TRPM3: variants seen among roughly 807,000 people sequenced by gnomAD.
TRPM3 encodes long transient receptor potential channel 3.
Under a neutral mutation model 181.2 loss-of-function variants are expected in TRPM3, and 77 were observed. The observed-to-expected ratio is 0.42, with a 90% CI of 0.35 to 0.51. TRPM3 has a LOEUF of 0.51. TRPM3 is among the 20% of genes least tolerant of loss of function. The pLI is 0.01. For missense variants in TRPM3, 1,759 were observed against 2,196.7 expected (o/e 0.80, Z 3.98); for synonymous variants, 745 against 796.4 (o/e 0.94, Z 1.09).
chr9:70,771,171 C>T (rs1220454090), intron 7 of TRPM3, among the ~76,000 whole-genome samples: 1 of 152,148 alleles, frequency 6.6e-6, no homozygotes, highest in African/African-American at 2.4e-5. Flanking sequence ...TGGCTGCAAC[C>T]TCCTACTTTA....
chr9:71,069,531 T>C (rs2062417806), intron 1 of TRPM3, among the ~76,000 whole-genome samples: 1 of 151,974 alleles, frequency 6.6e-6, no homozygotes, highest in African/African-American at 2.4e-5. Context: ...ATACAAACGG[T>C]TACTATGGGG....
chr9:71,212,150 C>A (rs183229917), intron 1 of TRPM3, among the ~76,000 whole-genome samples: 1 of 151,536 alleles, frequency 6.6e-6, no homozygotes, highest in Non-Finnish European at 1.5e-5. Flanking sequence ...AGGGTATCAC[C>A]CTGTTGCTCA....
intron 1 of TRPM3, among the ~76,000 whole-genome samples, chr9:71,146,398 C>T (rs2075410337): frequency 6.6e-6 from 1 of 152,110 alleles, no homozygotes; most frequent in African/African-American, 2.4e-5. Flanking sequence ...TTTGAAACCT[C>T]AAGAAGCAAC....
intron 5 of TRPM3, among the ~76,000 whole-genome samples, chr9:70,830,636 T>G (rs2131739091): frequency 6.6e-6 from 1 of 152,356 alleles, no homozygotes; most frequent in South Asian, 2.1e-4. Flanking sequence ...TAGTTTTCAG[T>G]CATCATTGGA....
chr9:70,953,612 A>G (rs1385349647), intron 1 of TRPM3, among the ~76,000 whole-genome samples: 1 of 152,108 alleles, frequency 6.6e-6, no homozygotes, highest in Non-Finnish European at 1.5e-5. Flanking sequence ...ATGAGGTGAG[A>G]TTACTACAGA....
At chr9:70,742,803 C>T (rs2074403110) in intron 8 of TRPM3, among the ~76,000 whole-genome samples, 1 of 152,104 alleles carries the variant, frequency 6.6e-6, no homozygotes, top group Non-Finnish European at 1.5e-5. Context: ...AGATAATAGA[C>T]TTGATGAGGC....
chr9:71,065,377 C>A (rs1417706235), intron 1 of TRPM3, among the ~76,000 whole-genome samples: 1 of 152,050 alleles, frequency 6.6e-6, no homozygotes, highest in African/African-American at 2.4e-5. Context: ...CATACAAGAA[C>A]AAAATTATTC....
intron 21 of TRPM3, among the ~76,000 whole-genome samples, chr9:70,596,534 C>A (rs1041779173): frequency 6.6e-6 from 1 of 151,956 alleles, no homozygotes; most frequent in Non-Finnish European, 1.5e-5. Flanking sequence ...GAGTTTGAGA[C>A]CAGCCTGGCC....
Position 70,862,931 on chromosome 9 carries a change from C to T in TRPM3, c.439G>A (p.Gly147Ser). The change falls in exon 3 of 26, where the codon GGT becomes AGT. Residue 147 changes from glycine (G) to serine (S), a missense_variant. Physicochemically the swap from Gly to Ser is moderately conservative, Grantham distance 56. Transcript: ENST00000677713. The part of the protein sequence containing the change: ...DAFGTIEFQG[G>S]GHSNKAMYVR... ...ACCATGGCTTTGTTGGAATGGCCACCTCCTTGGAACTCAATGGTCCCAAAA... is the reference window on the plus strand; with the variant it reads ...ACCATGGCTTTGTTGGAATGGCCACTTCCTTGGAACTCAATGGTCCCAAAA... 1 of 1,613,498 alleles carries T rather than the reference C, an allele frequency of 6.2e-7. No individual in the cohort carries two copies. Among genetic ancestry groups the T allele is most frequent in the East Asian group, 2.2e-5 (1 of 44,854 alleles).
intron 1 of TRPM3, among the ~76,000 whole-genome samples, chr9:70,946,547 T>C (rs1162242750): frequency 6.6e-6 from 1 of 152,256 alleles, no homozygotes; most frequent in South Asian, 2.1e-4. Context: ...GTGGGCACCA[T>C]AAAATCATAC....
intron 1 of TRPM3, among the ~76,000 whole-genome samples, chr9:71,274,244 A>G (rs1353793743): frequency 6.6e-6 from 1 of 152,200 alleles, no homozygotes; most frequent in Non-Finnish European, 1.5e-5. Flanking sequence ...TCAGGAGGGA[A>G]AAACATCTAC....
At chr9:71,354,383 A>G (rs897126374) in intron 1 of TRPM3, among the ~76,000 whole-genome samples, 1 of 152,060 alleles carries the variant, frequency 6.6e-6, no homozygotes, top group Admixed American at 6.5e-5. Context: ...CCACCCACAC[A>G]CTCATTAGGT....
intron 1 of TRPM3, among the ~76,000 whole-genome samples, chr9:71,066,737 T>C (rs889001234): frequency 1.3e-5 from 2 of 152,218 alleles, no homozygotes; most frequent in Admixed American, 1.3e-4. Flanking sequence ...TTATGAGATG[T>C]AGAATCATGA....
At chr9:71,025,464 G>T (rs1276717157) in intron 1 of TRPM3, among the ~76,000 whole-genome samples, 1 of 152,058 alleles carries the variant, frequency 6.6e-6, no homozygotes, top group Admixed American at 6.5e-5. Context: ...TAAACGTATG[G>T]GCATGAAATA....
intron 9 of TRPM3, among the ~76,000 whole-genome samples, chr9:70,663,120 T>G (rs1307572219): frequency 6.6e-6 from 1 of 152,206 alleles, no homozygotes; most frequent in Non-Finnish European, 1.5e-5. Context: ...GCTATTATTC[T>G]AAGTGAAGTA....
chr9:71,107,654 C>T (rs1699001231), intron 1 of TRPM3, among the ~76,000 whole-genome samples: 1 of 152,120 alleles, frequency 6.6e-6, no homozygotes, highest in Non-Finnish European at 1.5e-5. Context: ...TTTTATACTG[C>T]TGTTTTGATG....
At chr9:70,893,343 G>T (rs1243412307) in intron 1 of TRPM3, among the ~76,000 whole-genome samples, 1 of 152,076 alleles carries the variant, frequency 6.6e-6, no homozygotes, top group Non-Finnish European at 1.5e-5. Context: ...TAGTTTTCTT[G>T]TGCATAGAAA....
intron 1 of TRPM3, among the ~76,000 whole-genome samples, chr9:70,981,818 G>A (rs1267335839): frequency 6.6e-6 from 1 of 152,086 alleles, no homozygotes; most frequent in Non-Finnish European, 1.5e-5. Flanking sequence ...ATAATAGAAA[G>A]TTCAAGAAAG....
chr9:70,826,118 C>A, intron 6 of TRPM3: 1 of 152,392 alleles, frequency 6.6e-6, no homozygotes. Flanking sequence ...TCCTCTTCAG[C>A]TTCTAGCTCA....
Sources: allele counts gnomAD v4.1 joint callset (sites outside exome capture counted in the v4.1 genomes callset), GRCh38; gene constraint gnomAD v4.1.1; transcripts MANE v1.5; gene names NCBI Gene and HGNC (gene_info 2026-07-23, HGNC 2026-07-21).